CCDC82: variants seen among roughly 807,000 people sequenced by gnomAD.
CCDC82 encodes coiled-coil domain containing 82, also known as coiled-coil domain-containing protein 82.
A neutral mutation model predicts 60.6 loss-of-function variants in CCDC82; 47 were observed. The ratio of observed to expected loss-of-function variants is 0.77; its 90% CI spans 0.61 to 0.99. CCDC82 has a LOEUF of 0.99. CCDC82 is among the 50% of genes least tolerant of loss of function. The probability of loss-of-function intolerance (pLI) is 0.00; values close to 1 mark genes in which losing one functional copy is unlikely to be tolerated. For synonymous variants in CCDC82, 212 were observed against 207.4 expected (o/e 1.02, Z -0.19); for missense variants, 588 against 633.0 (o/e 0.93, Z 0.76).
Position 96,368,770 on chromosome 11 carries a change from G to A in CCDC82, c.1209+2243C>T, listed in dbSNP as rs185697285. 4.6e-3 allele frequency among the ~76,000 whole-genome samples: 699 copies of A among 152,016 alleles called. 5 individuals are homozygous for A. Among genetic ancestry groups the A allele is most frequent in the Middle Eastern group, 0.014 (4 of 292 alleles). The stretch of plus-strand genomic sequence containing the variant: ...AGTCCCAGCTCCTCAGGAGGCTGAG[G>A]CAGGAGAATGGCGTGAACCCAGAAG... On this transcript the variant is annotated intron_variant, in intron 7 of 9. Transcript: ENST00000646818.
At chr11:96,364,844 T>C in intron 8 of CCDC82, 136 bp downstream of exon 8, 1 of 670,282 alleles carries the variant, frequency 1.5e-6, no homozygotes, top group Non-Finnish European at 2.5e-6. Context: ...CATTATTTAC[T>C]TGTGGGTTGC....
chr11:96,376,493 T>A (rs1865583708), intron 5 of CCDC82, among the ~76,000 whole-genome samples: 1 of 151,330 alleles, frequency 6.6e-6, no homozygotes, highest in African/African-American at 2.4e-5. Context: ...AGTGGCACGA[T>A]CTTGGCTCAC....
chr11:96,385,002 T>C (rs941573508), intron 3 of CCDC82: 9 of 318,200 alleles, frequency 2.8e-5, no homozygotes, highest in East Asian at 1.1e-4. Flanking sequence ...AAGGGATACA[T>C]AGAAAAATCA....
intron 5 of CCDC82, chr11:96,382,801 A>G (rs2136198951): frequency 6.6e-6 from 1 of 152,356 alleles, no homozygotes; most frequent in South Asian, 2.1e-4. Flanking sequence ...CCAAAACAAC[A>G]TGTCACAACA....
At chr11:96,367,469 T>C (rs998491294) in intron 7 of CCDC82, among the ~76,000 whole-genome samples, 2 of 152,232 alleles carry the variant, frequency 1.3e-5, no homozygotes, top group Admixed American at 6.5e-5. Context: ...GTTCTTTGCT[T>C]ATCCGTAAGA....
chr11:96,376,864 T>C (rs1865604561), intron 5 of CCDC82, among the ~76,000 whole-genome samples: 2 of 152,190 alleles, frequency 1.3e-5, no homozygotes, highest in African/African-American at 2.4e-5. Flanking sequence ...TTACTGTGAA[T>C]CTGGTGATTT....
intron 8 of CCDC82, among the ~76,000 whole-genome samples, chr11:96,359,845 AAT>A: frequency 6.6e-6 from 1 of 151,490 alleles, no homozygotes; most frequent in Non-Finnish European, 1.5e-5. Flanking sequence ...AAAGTAAAAA[AAT>A]AAATCTGTGT....
At chr11:96,369,895 C>T (rs1865169077) in intron 7 of CCDC82, among the ~76,000 whole-genome samples, 2 of 152,246 alleles carry the variant, frequency 1.3e-5, no homozygotes, top group South Asian at 4.1e-4. Context: ...AGTATTTATG[C>T]CATGTTCTAA....
At chr11:96,367,077 C>T (rs899685223) in intron 7 of CCDC82, among the ~76,000 whole-genome samples, 1 of 152,164 alleles carries the variant, frequency 6.6e-6, no homozygotes, top group African/African-American at 2.4e-5. Context: ...AGTGAATAGG[C>T]ATCTTTTTGC....
chr11:96,364,678 T>TA (rs1463111477), intron 8 of CCDC82: 2 of 199,444 alleles, frequency 1.0e-5, no homozygotes, highest in Middle Eastern at 1.9e-3. Flanking sequence ...TGCTCTTGTC[T>TA]AAAAAACACT....
chr11:96,379,264 TTTTA>T (rs1431763728), intron 5 of CCDC82, among the ~76,000 whole-genome samples: 19 of 151,876 alleles, frequency 1.3e-4, no homozygotes, highest in Non-Finnish European at 2.1e-4. Flanking sequence ...CTATATTAAA[TTTTA>T]TTTATTATAT....
intron 7 of CCDC82, among the ~76,000 whole-genome samples, chr11:96,367,816 A>C (rs1016423124): frequency 1.5e-4 from 17 of 112,340 alleles, no homozygotes; most frequent in Middle Eastern, 9.4e-3. Flanking sequence ...TATGAAATGT[A>C]TTTCTTTTTT....
At chr11:96,356,334 A>AT in intron 9 of CCDC82, 1 of 599,606 alleles carries the variant, frequency 1.7e-6, no homozygotes, top group Non-Finnish European at 2.1e-6. Flanking sequence ...TCTAATTATA[A>AT]TTTTAAATTA....
intron 9 of CCDC82, chr11:96,356,401 G>T: frequency 1.0e-6 from 1 of 976,616 alleles, no homozygotes; most frequent in Non-Finnish European, 1.2e-6. Flanking sequence ...ACTGTCACTT[G>T]TAACAGTTTT....
At position 96,384,194 on chromosome 11, in the gene CCDC82, A is replaced by G. The variant is rs1193521812; in HGVS notation, c.554T>C (p.Leu185Pro). 1 of 1,613,890 alleles carries G rather than the reference A, an allele frequency of 6.2e-7. No homozygotes were observed. The highest frequency in any genetic ancestry group is 2.2e-5 in the East Asian group (1 of 44,866). ...ATCACTGTCACACATCACAGAGGATAGCCTTTTTCTTTTTCCTCGCTTGAT... is the reference window on the plus strand; with the variant it reads ...ATCACTGTCACACATCACAGAGGATGGCCTTTTTCTTTTTCCTCGCTTGAT... ...EDIKRGKRKR[L>P]SSVMCDSDES... Residue 185 changes from leucine (L) to proline (P), a missense_variant, in exon 4 of 10, where the codon CTA becomes CCA. Transcript: ENST00000646818.
rs1230438754 is a variant in CCDC82 at position 96,353,501 on chromosome 11, G to A, written c.*145C>T. On this transcript the variant is annotated 3_prime_UTR_variant, in exon 10 of 10. Coordinates refer to ENST00000646818, the MANE Select transcript of CCDC82 (RefSeq NM_024725.4). Reference sequence around the variant, plus strand: ...TAGAGTGTAGAGTGCCACTTCACAGGAATTAAGATAATCATGTTTTAAACA... The same window carrying A: ...TAGAGTGTAGAGTGCCACTTCACAGAAATTAAGATAATCATGTTTTAAACA... 6.2e-6 allele frequency: 4 copies of A among 648,476 alleles called. No individual in the cohort carries two copies. The highest frequency in any genetic ancestry group is 1.1e-5 in the Non-Finnish European group (4 of 369,380). 40.2% of individuals were successfully genotyped at this position (648,476 alleles called of 1,614,324 possible).
intron 5 of CCDC82, among the ~76,000 whole-genome samples, chr11:96,374,223 C>T (rs1865444884): frequency 6.6e-6 from 1 of 152,138 alleles, no homozygotes; most frequent in African/African-American, 2.4e-5. Flanking sequence ...CCTGTGAAGA[C>T]ATATTAAGGG....
At chr11:96,357,007 G>GT (rs1221220247) in intron 9 of CCDC82, 2 of 985,498 alleles carry the variant, frequency 2.0e-6, no homozygotes, top group African/African-American at 3.5e-5. Context: ...CGGCATTCAA[G>GT]TAACACTGAG....
intron 1 of CCDC82, 40 bp downstream of exon 1, chr11:96,389,804 C>G (rs372346800): frequency 6.6e-6 from 1 of 152,408 alleles, no homozygotes; most frequent in Admixed American, 6.5e-5. Flanking sequence ...CGAGCGAGTC[C>G]CAGCCGGGAG....
Sources: allele counts gnomAD v4.1 joint callset (sites outside exome capture counted in the v4.1 genomes callset), GRCh38; gene constraint gnomAD v4.1.1; transcripts MANE v1.5; gene names NCBI Gene and HGNC (gene_info 2026-07-23, HGNC 2026-07-21).